Variants in CACNG5 observed in about 807,000 individuals in gnomAD.
CACNG5 encodes the protein voltage-dependent calcium channel gamma-5 subunit.
A neutral mutation model predicts 24.8 loss-of-function variants in CACNG5; 18 were observed. The ratio of observed to expected loss-of-function variants is 0.73; its 90% confidence interval spans 0.50 to 1.08. The LOEUF (loss-of-function observed/expected upper bound fraction) is 1.08. Among genes scored for constraint, CACNG5 ranks in the 50% least tolerant of loss-of-function variants. The pLI, the probability that CACNG5 is intolerant of heterozygous loss-of-function variation, is 0.00. For synonymous variants in CACNG5, 157 were observed against 149.1 expected (o/e 1.05, Z -0.39); for missense variants, 349 against 367.9 (o/e 0.95, Z 0.42).
chr17:66,845,545 C>T (rs1332129676), intron 1 of CACNG5, among the ~76,000 whole-genome samples: 1 of 152,052 alleles, frequency 6.6e-6, no homozygotes. Context: ...CTCCTGGAAG[C>T]TTTGCCAGAT....
At chr17:66,881,832 G>C (rs1243468342) in intron 4 of CACNG5, among the ~76,000 whole-genome samples, 1 of 152,120 alleles carries the variant, frequency 6.6e-6, no homozygotes, top group Admixed American at 6.5e-5. Context: ...AAATGGGCCT[G>C]GAGGAAAGTG....
chr17:66,848,726 C>A (rs1369299803), intron 1 of CACNG5, among the ~76,000 whole-genome samples: 2 of 152,132 alleles, frequency 1.3e-5, no homozygotes. Flanking sequence ...CAGCCCCTAC[C>A]CCAGCTGGTG....
At chr17:66,847,534 C>T (rs117848218) in intron 1 of CACNG5, among the ~76,000 whole-genome samples, 4,547 of 144,742 alleles carry the variant, frequency 0.031, 238 homozygotes, top group South Asian at 0.15. Flanking sequence ...GAGAACGGCA[C>T]GGGGAAAAAC....
intron 3 of CACNG5, among the ~76,000 whole-genome samples, chr17:66,879,940 G>A (rs547684812): frequency 1.3e-5 from 2 of 152,162 alleles, no homozygotes; most frequent in African/African-American, 2.4e-5. Flanking sequence ...GGTGTTTCTA[G>A]CCCCCATCCT....
At chr17:66,860,712 A>G (rs1317168871) in intron 1 of CACNG5, among the ~76,000 whole-genome samples, 1 of 152,202 alleles carries the variant, frequency 6.6e-6, no homozygotes, top group African/African-American at 2.4e-5. Context: ...CTCATAAAAA[A>G]CAGAGAGGAC....
At chr17:66,872,633 C>G (rs1362986059) in intron 1 of CACNG5, among the ~76,000 whole-genome samples, 1 of 152,184 alleles carries the variant, frequency 6.6e-6, no homozygotes, top group Admixed American at 6.5e-5. Context: ...CTGGTGCACA[C>G]TTTTATCTTT....
chr17:66,843,038 A>G (rs998412863), intron 1 of CACNG5, among the ~76,000 whole-genome samples: 1 of 152,242 alleles, frequency 6.6e-6, no homozygotes, highest in Non-Finnish European at 1.5e-5. Flanking sequence ...ATGGTGGCCA[A>G]TAATAACTCC....
intron 1 of CACNG5, among the ~76,000 whole-genome samples, chr17:66,859,222 C>T (rs1292229532): frequency 6.6e-6 from 1 of 152,142 alleles, no homozygotes; most frequent in Non-Finnish European, 1.5e-5. Flanking sequence ...AGAGCCTCGC[C>T]CTGAAGTAGC....
At chr17:66,875,089 A>T (rs556710935) in intron 1 of CACNG5, among the ~76,000 whole-genome samples, 5 of 151,956 alleles carry the variant, frequency 3.3e-5, no homozygotes, top group Non-Finnish European at 7.4e-5. Flanking sequence ...ATGCTACCCC[A>T]CCTTCAGTCA....
chr17:66,835,585 G>C (rs1406050845), intron 1 of CACNG5, among the ~76,000 whole-genome samples: 1 of 152,196 alleles, frequency 6.6e-6, no homozygotes, highest in African/African-American at 2.4e-5. Context: ...CGACGGACTT[G>C]AATGGGGCTG....
intron 1 of CACNG5, among the ~76,000 whole-genome samples, chr17:66,866,244 G>A (rs1976928034): frequency 2.0e-5 from 3 of 151,934 alleles, no homozygotes; most frequent in South Asian, 4.2e-4. Context: ...ATAAAACTAG[G>A]CCCCACTATG....
chr17:66,882,937 T>A (rs1004628765), intron 4 of CACNG5, among the ~76,000 whole-genome samples: 1 of 150,520 alleles, frequency 6.6e-6, no homozygotes, highest in Non-Finnish European at 1.5e-5. Context: ...TTCTTTCTCC[T>A]TCCATCCATC....
chr17:66,877,246 AC>A lies in CACNG5; in HGVS notation c.-85del. 1.7e-6 allele frequency: 2 copies of A among 1,153,212 alleles called. 1 individual carries two copies. The highest frequency in any genetic ancestry group is 2.5e-6 in the Non-Finnish European group (2 of 798,216). The allele number at this position is 1,153,212 out of a possible 1,614,324, so 71.4% of individuals were successfully genotyped here. A position where few individuals can be genotyped will look rare whatever the true frequency, so the allele number is the denominator to read the frequency against. On this transcript the variant is annotated 5_prime_UTR_variant, in exon 2 of 6. Transcript: ENST00000533854. ...TCTTCTCAGAGCCGTGGGTACTGCCACCTGCTCACCCACTCTCCCTAGCCCC... is the reference window on the plus strand; with the variant it reads ...TCTTCTCAGAGCCGTGGGTACTGCCACTGCTCACCCACTCTCCCTAGCCCC...
At chr17:66,847,631 T>C (rs1976654623) in intron 1 of CACNG5, among the ~76,000 whole-genome samples, 1 of 151,814 alleles carries the variant, frequency 6.6e-6, no homozygotes, top group African/African-American at 2.4e-5. Flanking sequence ...GAGATTTGGG[T>C]GGGGACACAG....
At position 66,877,220 on chromosome 17, in the gene CACNG5, G is replaced by A. The variant is rs1044904656; in HGVS notation, c.-103-10G>A. ...CTTTAGTTACTGGCTCCTCATCTTCGTCTTCTCAGAGCCGTGGGTACTGCC... is the reference window on the plus strand; with the variant it reads ...CTTTAGTTACTGGCTCCTCATCTTCATCTTCTCAGAGCCGTGGGTACTGCC... On this transcript the variant is annotated splice_polypyrimidine_tract_variant and intron_variant, in intron 1 of 5. Coordinates refer to ENST00000533854, the MANE Select transcript of CACNG5 (RefSeq NM_145811.3). The A allele has an allele frequency of 3.1e-5, 26 of 834,860 alleles. No homozygotes were observed. The highest frequency in any genetic ancestry group is 3.7e-4 in the Middle Eastern group (1 of 2,678). 51.7% of individuals were successfully genotyped at this position (834,860 alleles called of 1,614,324 possible).
chr17:66,853,981 C>T (rs1976739149), intron 1 of CACNG5, among the ~76,000 whole-genome samples: 1 of 152,016 alleles, frequency 6.6e-6, no homozygotes, highest in Non-Finnish European at 1.5e-5. Context: ...ACAAAACTGT[C>T]AATATTCACA....
chr17:66,870,213 A>G (rs1976985934), intron 1 of CACNG5, among the ~76,000 whole-genome samples: 1 of 152,206 alleles, frequency 6.6e-6, no homozygotes, highest in Non-Finnish European at 1.5e-5. Context: ...GGAGTTTCTC[A>G]TGCAGGTGCA....
At chr17:66,868,640 G>C (rs941479585) in intron 1 of CACNG5, among the ~76,000 whole-genome samples, 1 of 152,174 alleles carries the variant, frequency 6.6e-6, no homozygotes, top group Non-Finnish European at 1.5e-5. Context: ...GAGCAGGACT[G>C]TAATGACACC....
chr17:66,884,063 C>T lies in CACNG5; in HGVS notation c.425-453C>T, dbSNP rs952426538. Among the ~76,000 whole-genome samples the T allele has an allele frequency of 2.0e-5, 3 of 150,428 alleles. No individual in the cohort carries two copies. In the East Asian group the frequency reaches 5.9e-4, roughly 29 times the overall value. On this transcript the variant is annotated intron_variant, in intron 4 of 5. Coordinates refer to ENST00000533854, the MANE Select transcript of CACNG5 (RefSeq NM_145811.3). ...AGGAGAATCACTTGAACCCGGGAGG[C>T]AGAGGTTGCAGTGAGCCGAGATCGC...
Sources: allele counts gnomAD v4.1 joint callset (sites outside exome capture counted in the v4.1 genomes callset), GRCh38; gene constraint gnomAD v4.1.1; transcripts MANE v1.5; gene names NCBI Gene and HGNC (gene_info 2026-07-23, HGNC 2026-07-21).